KAZN: variants seen among roughly 807,000 people sequenced by gnomAD.
KAZN encodes kazrin.
A neutral mutation model predicts 87.4 loss-of-function variants in KAZN; 40 were observed. That is an observed-to-expected ratio of 0.46 (90% CI 0.36 to 0.60). The LOEUF (loss-of-function observed/expected upper bound fraction) is 0.60. Among genes scored for constraint, KAZN ranks in the 20% least tolerant of loss-of-function variants. The probability of loss-of-function intolerance (pLI) is 0.00; values close to 1 mark genes in which losing one functional copy is unlikely to be tolerated. For missense variants in KAZN, 898 were observed against 1,073.9 expected, an observed-to-expected ratio of 0.84 and a Z score of 2.29; for synonymous variants, 466 against 458.3, an observed-to-expected ratio of 1.02 and a Z score of -0.22.
intron 1 of KAZN, among the ~76,000 whole-genome samples, chr1:14,836,868 AG>A (rs1290532170): frequency 6.6e-6 from 1 of 152,196 alleles, no homozygotes; most frequent in African/African-American, 2.4e-5. Context: ...TGGCACTCTT[AG>A]ACCCATCATC....
At chr1:14,623,283 C>T (rs2148645031) in intron 1 of KAZN, among the ~76,000 whole-genome samples, 1 of 152,308 alleles carries the variant, frequency 6.6e-6, no homozygotes, top group Non-Finnish European at 1.5e-5. Context: ...GAATACTATG[C>T]AGGCATAAAA....
At chr1:14,717,851 G>A (rs1288933115) in intron 1 of KAZN, among the ~76,000 whole-genome samples, 3 of 152,136 alleles carry the variant, frequency 2.0e-5, no homozygotes, top group Admixed American at 6.5e-5. Context: ...ATGTGGATGC[G>A]CTTCCACTGC....
chr1:13,962,080 T>C (rs1258481603), intron 1 of KAZN, among the ~76,000 whole-genome samples: 1 of 152,136 alleles, frequency 6.6e-6, no homozygotes, highest in Non-Finnish European at 1.5e-5. Flanking sequence ...GGAACGAACA[T>C]TTGTCCTCTT....
Position 15,101,554 on chromosome 1 carries a change from C to G in KAZN, c.1559C>G (p.Ala520Gly). The G allele has an allele frequency of 6.4e-7, 1 of 1,552,028 alleles. No individual in the cohort carries two copies. Among genetic ancestry groups the G allele is most frequent in the Non-Finnish European group, 8.7e-7 (1 of 1,147,082 alleles). The part of the protein sequence containing the change: ...DAEAGRSLSK[A>G]AELDHHWVAK... ...TGTCTCCTCCCCAGCCTGTCCAAAG[C>G]TGCCGAGCTGGACCATCACTGGGTG... is the stretch of plus-strand genomic sequence containing the variant. Residue 520 changes from alanine (A) to glycine (G), a missense_variant, in exon 11 of 15, where the codon GCT becomes GGT. Physicochemically the swap from Ala to Gly is moderately conservative, Grantham distance 60. Coordinates refer to ENST00000376030, the MANE Select transcript of KAZN (RefSeq NM_201628.3).
chr1:14,567,496 C>T (rs1250675660), intron 2 of KAZN, among the ~76,000 whole-genome samples: 1 of 152,110 alleles, frequency 6.6e-6, no homozygotes, highest in African/African-American at 2.4e-5. Context: ...AATAGACTTA[C>T]TCAGCACAAG....
At chr1:14,015,327 G>A (rs1156796334) in intron 1 of KAZN, among the ~76,000 whole-genome samples, 1 of 151,794 alleles carries the variant, frequency 6.6e-6, no homozygotes, top group Non-Finnish European at 1.5e-5. Flanking sequence ...TCTGTCTGTT[G>A]GGAAGGGCTT....
chr1:14,261,019 T>C (rs1020899628), intron 2 of KAZN, among the ~76,000 whole-genome samples: 7 of 152,234 alleles, frequency 4.6e-5, no homozygotes, highest in African/African-American at 1.7e-4. Flanking sequence ...CATGCTGTTA[T>C]GTATAGTATG....
At chr1:14,094,035 G>A (rs1644068557) in intron 1 of KAZN, among the ~76,000 whole-genome samples, 1 of 152,162 alleles carries the variant, frequency 6.6e-6, no homozygotes. Context: ...AAGGTGCGGT[G>A]AGGCTGGAGT....
rs139499136 is a variant in KAZN at position 14,536,299 on chromosome 1, C to T, written c.250-62684C>T. On this transcript the variant is annotated intron_variant, in intron 2 of 16. Transcript: ENST00000636203. The stretch of plus-strand genomic sequence containing the variant: ...TTTTATGAGTGGGGAAAGAAGGGGT[C>T]TGCCCGTGCAAGACAGCTGCTCATG... Among the ~76,000 whole-genome samples, 20 of 152,344 alleles carry T rather than the reference C, an allele frequency of 1.3e-4. No homozygotes were observed. In the East Asian group the frequency reaches 1.9e-3, roughly 15 times the overall value.
At chr1:15,078,056 T>C (rs1434334433) in intron 8 of KAZN, among the ~76,000 whole-genome samples, 2 of 152,066 alleles carry the variant, frequency 1.3e-5, no homozygotes, top group African/African-American at 4.8e-5. Context: ...CTCACCAAAG[T>C]CACGTAAGAA....
At chr1:14,392,854 C>A (rs981631294) in intron 2 of KAZN, among the ~76,000 whole-genome samples, 3 of 152,120 alleles carry the variant, frequency 2.0e-5, no homozygotes, top group African/African-American at 7.2e-5. Context: ...TAATGGCGAC[C>A]AGACCAGGCA....
At chr1:14,032,125 G>C (rs1641355154) in intron 1 of KAZN, among the ~76,000 whole-genome samples, 1 of 151,912 alleles carries the variant, frequency 6.6e-6, no homozygotes, top group African/African-American at 2.4e-5. Context: ...CCATCCCCTG[G>C]CTACCCAATT....
intron 1 of KAZN, among the ~76,000 whole-genome samples, chr1:14,630,060 G>C (rs1679451148): frequency 1.3e-5 from 2 of 152,132 alleles, no homozygotes; most frequent in South Asian, 4.1e-4. Flanking sequence ...ATTGGGAACA[G>C]AAACATCATT....
chr1:14,338,109 A>G (rs1185994648), intron 2 of KAZN, among the ~76,000 whole-genome samples: 1 of 152,052 alleles, frequency 6.6e-6, no homozygotes, highest in Non-Finnish European at 1.5e-5. Flanking sequence ...GCCTAAGGCA[A>G]TCAAAGAGAC....
intron 1 of KAZN, among the ~76,000 whole-genome samples, chr1:13,924,512 A>G (rs1361888533): frequency 6.6e-6 from 1 of 152,226 alleles, no homozygotes; most frequent in Non-Finnish European, 1.5e-5. Flanking sequence ...TCTAAAGGGA[A>G]AAGTCAAGCT....
At chr1:14,889,621 C>T (rs1654483909) in intron 1 of KAZN, among the ~76,000 whole-genome samples, 1 of 152,192 alleles carries the variant, frequency 6.6e-6, no homozygotes, top group Non-Finnish European at 1.5e-5. Context: ...CTGCCCCTGC[C>T]TACCCTTCCT....
intron 1 of KAZN, among the ~76,000 whole-genome samples, chr1:14,930,596 AG>A (rs1165910415): frequency 2.0e-5 from 3 of 152,316 alleles, no homozygotes; most frequent in African/African-American, 7.2e-5. Flanking sequence ...TCTTCCTGTC[AG>A]GCAGCTGCCA....
intron 2 of KAZN, among the ~76,000 whole-genome samples, chr1:14,276,281 A>ATCATCG (rs2100698346): frequency 1.3e-5 from 2 of 151,906 alleles, no homozygotes; most frequent in South Asian, 4.2e-4. Context: ...CATCATCATC[A>ATCATCG]TCATCGTCAT....
chr1:15,025,115 G>A lies in KAZN; in HGVS notation c.419-9634G>A, dbSNP rs150580537. 4.9e-3 allele frequency among the ~76,000 whole-genome samples: 740 copies of A among 152,292 alleles called. 4 individuals are homozygous for A. Among genetic ancestry groups the A allele is most frequent in the Middle Eastern group, 0.041 (12 of 294 alleles). The stretch of plus-strand genomic sequence containing the variant: ...TGTGCCAGGCACTGCTGTCGTTGTG[G>A]AGGATACAGCAGTGAACAGGACAGA... On this transcript the variant is annotated intron_variant, in intron 2 of 14. Transcript: ENST00000376030.
Sources: allele counts gnomAD v4.1 joint callset (sites outside exome capture counted in the v4.1 genomes callset), GRCh38; gene constraint gnomAD v4.1.1; transcripts MANE v1.5; gene names NCBI Gene and HGNC (gene_info 2026-07-23, HGNC 2026-07-21).